The following KATNAL2 variants were observed in gnomAD, a reference collection of about 807,000 sequenced individuals.
The protein encoded by KATNAL2 is katanin catalytic subunit A1 like 2.
In KATNAL2, 52 loss-of-function variants were observed where a neutral mutation model predicts 76.3. The ratio of observed to expected loss-of-function variants is 0.68; its 90% confidence interval spans 0.55 to 0.86. The LOEUF (loss-of-function observed/expected upper bound fraction) is 0.86, where lower values mean the gene tolerates loss of function less well. Ranked by LOEUF, KATNAL2 falls within the 40% of genes least tolerant of loss-of-function variation. The pLI is 0.00. For missense variants in KATNAL2, 660 were observed against 668.9 expected (o/e 0.99, Z 0.15); for synonymous variants, 243 against 244.2 (o/e 1.00, Z 0.05).
chr18:47,065,532 G>A (rs2061764446), intron 10 of KATNAL2, among the ~76,000 whole-genome samples: 1 of 152,088 alleles, frequency 6.6e-6, no homozygotes, highest in Non-Finnish European at 1.5e-5. Flanking sequence ...AGCTAGGCAT[G>A]GTGGCATGTG....
At chr18:46,919,005 ATATG>A (rs1555817379) in intron 1 of KATNAL2, among the ~76,000 whole-genome samples, 92 of 147,294 alleles carry the variant, frequency 6.2e-4, no homozygotes, top group Admixed American at 1.5e-3. Flanking sequence ...GTATATATAT[ATATG>A]TGTGTGTGTG....
intron 5 of KATNAL2, 79 bp from the exon 6 acceptor site, chr18:47,054,317 G>A: frequency 7.9e-7 from 1 of 1,261,332 alleles, no homozygotes; most frequent in East Asian, 2.3e-5. Context: ...AATGCAAAAA[G>A]GGGAAACATA....
intron 8 of KATNAL2, among the ~76,000 whole-genome samples, chr18:47,060,981 G>A (rs2061613881): frequency 6.6e-6 from 1 of 152,228 alleles, no homozygotes. Flanking sequence ...TCACAAGGAA[G>A]GGACCATTTA....
rs192987058 is a variant in KATNAL2 at position 47,032,004 on chromosome 18, T to A, written c.52-14453T>A. On this transcript the variant is annotated intron_variant, in intron 3 of 17. Coordinates refer to ENST00000683218, the MANE Select transcript of KATNAL2 (RefSeq NM_001387690.1). ...TTAAGAAAGCTAGCAGACGTCCGTG[T>A]GATCTGAACTCAAGGTAGTTAACCC... 1.8e-4 allele frequency among the ~76,000 whole-genome samples: 27 copies of A among 152,336 alleles called. No individual in the cohort carries two copies. The East Asian group carries it at 5.2e-3, about 29-fold the overall frequency.
rs532422059 is a variant in KATNAL2 at position 46,925,477 on chromosome 18, G to A, written c.-510+7551G>A. Among the ~76,000 whole-genome samples the A allele has an allele frequency of 1.4e-4, 21 of 152,168 alleles. No individual in the cohort carries two copies. In the South Asian group the frequency reaches 2.5e-3, roughly 18 times the overall value. Reference sequence around the variant, plus strand: ...AGCTTTTTGATATGCTGCTGGATTCGGTTTGCCAGTATTTTATTGAGGATT... The same window carrying A: ...AGCTTTTTGATATGCTGCTGGATTCAGTTTGCCAGTATTTTATTGAGGATT... On this transcript the variant is annotated intron_variant, in intron 1 of 17. Coordinates refer to ENST00000683218, the MANE Select transcript of KATNAL2 (RefSeq NM_001387690.1).
chr18:47,091,893 A>C (rs1247769080), intron 15 of KATNAL2, among the ~76,000 whole-genome samples: 1 of 152,168 alleles, frequency 6.6e-6, no homozygotes, highest in Non-Finnish European at 1.5e-5. Flanking sequence ...GATCCAAAGT[A>C]AAGGCCTTGG....
chr18:47,035,492 G>T, intron 3 of KATNAL2: 1 of 891,124 alleles, frequency 1.1e-6, no homozygotes, highest in Non-Finnish European at 1.7e-6. Flanking sequence ...TGTTCCTCGG[G>T]ATGTGGAGCC....
intron 1 of KATNAL2, among the ~76,000 whole-genome samples, chr18:46,932,577 G>C (rs907739564): frequency 4.1e-5 from 6 of 147,442 alleles, no homozygotes; most frequent in African/African-American, 1.5e-4. Flanking sequence ...AGGAGGCTGA[G>C]GCATGAGAAT....
chr18:47,034,518 G>A, intron 3 of KATNAL2: 1 of 1,614,210 alleles, frequency 6.2e-7, no homozygotes, highest in Non-Finnish European at 8.5e-7. Flanking sequence ...ATTTCTCCCT[G>A]ATCAAAGTAG....
At chr18:47,065,621 C>A (rs1304294798) in intron 10 of KATNAL2, among the ~76,000 whole-genome samples, 1 of 151,860 alleles carries the variant, frequency 6.6e-6, no homozygotes, top group Non-Finnish European at 1.5e-5. Flanking sequence ...GCACTGTAGC[C>A]TGGGTGACAG....
chr18:47,038,616 C>T (rs1486478104), intron 3 of KATNAL2, among the ~76,000 whole-genome samples: 2 of 152,086 alleles, frequency 1.3e-5, no homozygotes, highest in Non-Finnish European at 2.9e-5. Context: ...AAGGGTTGTA[C>T]CAACTTACAT....
At chr18:46,925,428 A>C (rs1342918988) in intron 1 of KATNAL2, among the ~76,000 whole-genome samples, 1 of 152,212 alleles carries the variant, frequency 6.6e-6, no homozygotes, top group Non-Finnish European at 1.5e-5. Context: ...CCCAGGGATG[A>C]AGCCCACTTG....
At chr18:47,075,825 C>G (rs937529051) in intron 14 of KATNAL2, among the ~76,000 whole-genome samples, 1 of 152,208 alleles carries the variant, frequency 6.6e-6, no homozygotes, top group Admixed American at 6.5e-5. Context: ...TGGGAAAACA[C>G]CACTTCTCTG....
intron 3 of KATNAL2, chr18:47,032,932 T>C: frequency 6.2e-7 from 1 of 1,610,712 alleles, no homozygotes; most frequent in Non-Finnish European, 8.5e-7. Context: ...GGAAGTTTCG[T>C]TCCCCAACCC....
intron 1 of KATNAL2, among the ~76,000 whole-genome samples, chr18:46,922,990 A>G (rs1208508843): frequency 6.7e-6 from 1 of 148,620 alleles, no homozygotes; most frequent in Non-Finnish European, 1.5e-5. Context: ...TTCAGTCCAT[A>G]TAGAAAAATT....
At chr18:46,959,469 A>T (rs547938787) in intron 3 of KATNAL2, among the ~76,000 whole-genome samples, 1 of 152,336 alleles carries the variant, frequency 6.6e-6, no homozygotes, top group African/African-American at 2.4e-5. Flanking sequence ...TTTTTTTTAA[A>T]AAAAACTAAC....
At chr18:47,033,503 G>C (rs2060590911) in intron 3 of KATNAL2, 1 of 1,614,182 alleles carries the variant, frequency 6.2e-7, no homozygotes, top group Middle Eastern at 1.6e-4. Flanking sequence ...TGGAAACAAT[G>C]ATTCCTCCGT....
At chr18:46,942,594 C>T (rs1323860177) in intron 1 of KATNAL2, among the ~76,000 whole-genome samples, 1 of 152,092 alleles carries the variant, frequency 6.6e-6, no homozygotes, top group Non-Finnish European at 1.5e-5. Flanking sequence ...AGACTCCAGC[C>T]TGGCAACAGA....
At chr18:46,925,138 A>C (rs1298752763) in intron 1 of KATNAL2, among the ~76,000 whole-genome samples, 2 of 152,160 alleles carry the variant, frequency 1.3e-5, no homozygotes, top group Non-Finnish European at 2.9e-5. Context: ...GAGTGGTGAG[A>C]GAGGGCATCC....
Sources: gnomAD v4.1 joint callset for allele counts (sites outside exome capture counted in the v4.1 genomes callset) on GRCh38, gnomAD v4.1.1 for gene constraint, MANE v1.5 for transcripts, NCBI Gene and HGNC (gene_info 2026-07-23, HGNC 2026-07-21) for gene names.